Variants in PITPNC1 observed in about 807,000 individuals in gnomAD.
PITPNC1 encodes phosphatidylinositol transfer protein cytoplasmic 1.
Under a neutral mutation model 44.7 loss-of-function variants are expected in PITPNC1, and 18 were observed. The observed-to-expected ratio is 0.40, with a 90% confidence interval of 0.28 to 0.60. The LOEUF is 0.60. Among genes scored for constraint, PITPNC1 ranks in the 20% least tolerant of loss-of-function variants. The pLI is 0.39. For synonymous variants in PITPNC1, 141 were observed against 149.6 expected (o/e 0.94, Z 0.42); for missense variants, 290 against 418.4 (o/e 0.69, Z 2.68).
chr17:67,617,333 C>G (rs2041772868), intron 5 of PITPNC1, among the ~76,000 whole-genome samples: 1 of 152,170 alleles, frequency 6.6e-6, no homozygotes, highest in South Asian at 2.1e-4. Flanking sequence ...TAGTGAGAAC[C>G]TGCCTCTAAT....
chr17:67,431,111 T>G (rs1273616642), intron 1 of PITPNC1, among the ~76,000 whole-genome samples: 1 of 146,960 alleles, frequency 6.8e-6, no homozygotes, highest in Admixed American at 7.0e-5. Context: ...CAGGCCGGAG[T>G]GCAGTGGCGT....
chr17:67,511,957 A>G (rs1259260536), intron 1 of PITPNC1, among the ~76,000 whole-genome samples: 2 of 152,222 alleles, frequency 1.3e-5, no homozygotes, highest in Non-Finnish European at 2.9e-5. Context: ...TTAATTGGCC[A>G]TTTGTATTTC....
chr17:67,678,399 T>C (rs958665715), intron 8 of PITPNC1, among the ~76,000 whole-genome samples: 1 of 152,150 alleles, frequency 6.6e-6, no homozygotes, highest in Non-Finnish European at 1.5e-5. Context: ...ACCTTTTCCT[T>C]ATCTGAGCAC....
chr17:67,684,982 A>G (rs1414260260), intron 8 of PITPNC1, among the ~76,000 whole-genome samples: 4 of 152,256 alleles, frequency 2.6e-5, no homozygotes, highest in African/African-American at 9.6e-5. Flanking sequence ...TTTCCAAATT[A>G]CTGTCATGCC....
intron 8 of PITPNC1, among the ~76,000 whole-genome samples, chr17:67,677,123 G>A (rs549112095): frequency 1.1e-4 from 17 of 151,958 alleles, no homozygotes; most frequent in South Asian, 4.2e-4. Flanking sequence ...GCTTTTCTCC[G>A]ATTCTCAGAG....
intron 5 of PITPNC1, among the ~76,000 whole-genome samples, 191 bp downstream of exon 5, chr17:67,578,448 T>C (rs2041180571): frequency 3.9e-5 from 6 of 152,228 alleles, no homozygotes; most frequent in Admixed American, 3.9e-4. Flanking sequence ...GTCTAGCTTT[T>C]CTTTCTTCTC....
intron 5 of PITPNC1, among the ~76,000 whole-genome samples, chr17:67,627,137 C>T (rs2041906060): frequency 6.6e-6 from 1 of 152,172 alleles, no homozygotes; most frequent in Non-Finnish European, 1.5e-5. Context: ...CCTGTAATCC[C>T]AGCTACTCAG....
At chr17:67,657,651 T>C (rs1004635793) in intron 6 of PITPNC1, among the ~76,000 whole-genome samples, 2 of 150,732 alleles carry the variant, frequency 1.3e-5, no homozygotes, top group Non-Finnish European at 2.9e-5. Flanking sequence ...AAAAATTATA[T>C]TCTTAATCAT....
intron 8 of PITPNC1, among the ~76,000 whole-genome samples, chr17:67,687,621 A>C (rs1437937654): frequency 1.3e-5 from 2 of 152,164 alleles, no homozygotes; most frequent in African/African-American, 4.8e-5. Flanking sequence ...TTTGCTTTGA[A>C]AAGCTTTCTG....
intron 8 of PITPNC1, among the ~76,000 whole-genome samples, chr17:67,681,396 C>T (rs2042702281): frequency 6.6e-6 from 1 of 151,738 alleles, no homozygotes; most frequent in South Asian, 2.1e-4. Flanking sequence ...GAGAATCACT[C>T]GAGCTGAGGA....
chr17:67,437,815 C>T (rs943609058), intron 1 of PITPNC1, among the ~76,000 whole-genome samples: 2 of 152,286 alleles, frequency 1.3e-5, no homozygotes, highest in East Asian at 3.9e-4. Flanking sequence ...GGCCTGTAAT[C>T]CCAGCACTTT....
chr17:67,575,519 C>T, intron 4 of PITPNC1, among the ~76,000 whole-genome samples: 1 of 152,150 alleles, frequency 6.6e-6, no homozygotes, highest in Non-Finnish European at 1.5e-5. Flanking sequence ...CGCGTCCTGG[C>T]ATGTGATGTC....
rs1354792838 is a variant in PITPNC1, at chr17:67,692,634, A to G, written c.745A>G (p.Ile249Val). The change falls in exon 9 of 9, where the codon ATC becomes GTC. Residue 249 changes from isoleucine to valine, a missense_variant. Physicochemically the swap from Ile to Val is conservative, Grantham distance 29. Coordinates refer to ENST00000581322, the MANE Select transcript of PITPNC1 (RefSeq NM_012417.4). ...RATQEATNKK[I>V]GIFPPAISIS... ...CACTCAGGAAGCCACCAACAAGAAAATCGGCATTTTCCCACCTGCAATTTC... is the reference window on the plus strand; with the variant it reads ...CACTCAGGAAGCCACCAACAAGAAAGTCGGCATTTTCCCACCTGCAATTTC... 6.2e-7 allele frequency: 1 copy of G among 1,613,844 alleles called. No homozygotes were observed. The highest frequency in any genetic ancestry group is 8.5e-7 in the Non-Finnish European group (1 of 1,179,832).
chr17:67,450,453 C>T (rs997908882), intron 1 of PITPNC1, among the ~76,000 whole-genome samples: 1 of 151,924 alleles, frequency 6.6e-6, no homozygotes, highest in African/African-American at 2.4e-5. Context: ...GAAGACGAAG[C>T]CTTGCTCTGT....
Position 67,693,105 on chromosome 17 carries a change from A to G in PITPNC1, c.*217A>G. 1 of 521,826 alleles carries G rather than the reference A, an allele frequency of 1.9e-6. No individual in the cohort carries two copies. The highest frequency in any genetic ancestry group is 3.0e-5 in the South Asian group (1 of 33,828). The allele number at this position is 521,826 out of a possible 1,614,324, so 32.3% of individuals were successfully genotyped here. On this transcript the variant is annotated 3_prime_UTR_variant, in exon 9 of 9. Transcript: ENST00000581322. ...GTAAGATGTAAGACTTGCAAAGGAC[A>G]GAAGGAATCTTCTGTAACCACATAG...
intron 1 of PITPNC1, among the ~76,000 whole-genome samples, chr17:67,528,114 T>C (rs1388887279): frequency 2.0e-5 from 3 of 152,230 alleles, no homozygotes; most frequent in African/African-American, 7.2e-5. Flanking sequence ...TGATGTCGGC[T>C]CACTGCAACC....
At chr17:67,512,903 C>T (rs1174994188) in intron 1 of PITPNC1, among the ~76,000 whole-genome samples, 2 of 151,884 alleles carry the variant, frequency 1.3e-5, no homozygotes, top group Non-Finnish European at 2.9e-5. Context: ...TCAATATATC[C>T]GGAGTTATCT....
chr17:67,412,281 G>A (rs2038511375), intron 1 of PITPNC1, among the ~76,000 whole-genome samples: 1 of 152,088 alleles, frequency 6.6e-6, no homozygotes, highest in Admixed American at 6.5e-5. Context: ...GCTGAGGATG[G>A]GGTAATTTAT....
At chr17:67,650,687 A>G (rs1233041791) in intron 6 of PITPNC1, among the ~76,000 whole-genome samples, 1 of 151,998 alleles carries the variant, frequency 6.6e-6, no homozygotes, top group Non-Finnish European at 1.5e-5. Flanking sequence ...CTGACCTCAA[A>G]AGATCCGCCC....
Sources: gnomAD v4.1 joint callset for allele counts (sites outside exome capture counted in the v4.1 genomes callset) on GRCh38, gnomAD v4.1.1 for gene constraint, MANE v1.5 for transcripts, NCBI Gene and HGNC (gene_info 2026-07-23, HGNC 2026-07-21) for gene names.